The following MAGI1 variants were observed in gnomAD, a reference collection of about 807,000 sequenced individuals.
MAGI1 encodes membrane associated guanylate kinase, WW and PDZ domain containing 1.
In MAGI1, 58 loss-of-function variants were observed where a neutral mutation model predicts 139.9. That is an observed-to-expected ratio of 0.41 (90% CI 0.34 to 0.52). The LOEUF (loss-of-function observed/expected upper bound fraction) is 0.52. Among genes scored for constraint, MAGI1 ranks in the 20% least tolerant of loss-of-function variants. The pLI is 0.12. For synonymous variants in MAGI1, 812 were observed against 737.9 expected, an observed-to-expected ratio of 1.10 and a Z score of -1.63; for missense variants, 1,874 against 1,901.6, an observed-to-expected ratio of 0.99 and a Z score of 0.27.
chr3:65,412,953 CT>C (rs1420300173), intron 12 of MAGI1, among the ~76,000 whole-genome samples: 1 of 152,172 alleles, frequency 6.6e-6, no homozygotes, highest in African/African-American at 2.4e-5. Flanking sequence ...CTCAAGGATT[CT>C]TTGAGATCTA....
intron 2 of MAGI1, among the ~76,000 whole-genome samples, chr3:65,610,757 A>ATG (rs2083019746): frequency 2.6e-5 from 1 of 37,960 alleles, no homozygotes; most frequent in Non-Finnish European, 8.0e-5. Flanking sequence ...TATACAGTAT[A>ATG]TATATAGCAT....
chr3:65,912,097 T>C (rs1030369006), intron 1 of MAGI1, among the ~76,000 whole-genome samples: 1 of 152,198 alleles, frequency 6.6e-6, no homozygotes, highest in Non-Finnish European at 1.5e-5. Flanking sequence ...CTTAGACATA[T>C]TTATTTTGTC....
chr3:66,002,210 C>T (rs141738833), intron 1 of MAGI1, among the ~76,000 whole-genome samples: 144 of 152,268 alleles, frequency 9.5e-4, no homozygotes, highest in African/African-American at 3.2e-3. Context: ...TTCAGAAACA[C>T]TGGGCAAATT....
At chr3:65,911,272 T>C (rs531131147) in intron 1 of MAGI1, among the ~76,000 whole-genome samples, 1 of 152,072 alleles carries the variant, frequency 6.6e-6, no homozygotes, top group East Asian at 1.9e-4. Flanking sequence ...GACATTTTAC[T>C]CAAACTGGGA....
chr3:65,359,055 G>C, intron 22 of MAGI1: 1 of 1,611,692 alleles, frequency 6.2e-7, no homozygotes, highest in Non-Finnish European at 8.5e-7. Context: ...TATTGATTGA[G>C]CTACAAACCG....
chr3:65,443,066 A>C (rs899887481), intron 7 of MAGI1, among the ~76,000 whole-genome samples: 3 of 152,132 alleles, frequency 2.0e-5, no homozygotes, highest in African/African-American at 7.2e-5. Flanking sequence ...TATTTTATGC[A>C]AGAAAATAAA....
intron 1 of MAGI1, among the ~76,000 whole-genome samples, chr3:65,847,981 G>GC (rs2059066535): frequency 2.0e-5 from 3 of 152,142 alleles, no homozygotes; most frequent in Non-Finnish European, 4.4e-5. Flanking sequence ...TCCAGTTTGG[G>GC]CAACACAGTG....
chr3:65,498,750 G>A (rs189402483), intron 2 of MAGI1, among the ~76,000 whole-genome samples: 1 of 152,162 alleles, frequency 6.6e-6, no homozygotes, highest in African/African-American at 2.4e-5. Flanking sequence ...TCATGGAAAT[G>A]TTCCATATCT....
At chr3:65,685,548 G>A (rs1245165358) in intron 1 of MAGI1, among the ~76,000 whole-genome samples, 1 of 152,158 alleles carries the variant, frequency 6.6e-6, no homozygotes, top group Admixed American at 6.5e-5. Context: ...GTCAAAGAAC[G>A]TAGCTTGTCT....
intron 13 of MAGI1, among the ~76,000 whole-genome samples, chr3:65,395,208 T>C (rs982695863): frequency 1.3e-5 from 2 of 152,142 alleles, no homozygotes; most frequent in African/African-American, 4.8e-5. Context: ...CTCTTGAAAT[T>C]TATCCCTGGG....
At chr3:65,428,652 A>T (rs547968392) in intron 12 of MAGI1, among the ~76,000 whole-genome samples, 1 of 152,366 alleles carries the variant, frequency 6.6e-6, no homozygotes, top group South Asian at 2.1e-4. Flanking sequence ...TGCTGGGGAT[A>T]ACAGCTGTCC....
chr3:65,838,895 C>T (rs2058716329), intron 1 of MAGI1, among the ~76,000 whole-genome samples: 1 of 152,180 alleles, frequency 6.6e-6, no homozygotes, highest in African/African-American at 2.4e-5. Context: ...TTTGGTGTTG[C>T]CACTATCTTT....
chr3:65,567,149 G>T (rs985252853), intron 2 of MAGI1, among the ~76,000 whole-genome samples: 1 of 152,134 alleles, frequency 6.6e-6, no homozygotes, highest in East Asian at 1.9e-4. Flanking sequence ...CACTCATAAT[G>T]TTAAGACCTC....
At chr3:65,933,464 C>T (rs2062897908) in intron 1 of MAGI1, among the ~76,000 whole-genome samples, 1 of 152,164 alleles carries the variant, frequency 6.6e-6, no homozygotes. Flanking sequence ...ACTATAGCAG[C>T]TAGCCTTCCC....
intron 2 of MAGI1, among the ~76,000 whole-genome samples, chr3:65,550,861 C>G (rs62255340): frequency 0.37 from 56,836 of 151,734 alleles, 12,057 homozygotes; most frequent in East Asian, 0.65. Flanking sequence ...GTCCCAGCTA[C>G]TTGGGAGGCT....
chr3:65,603,773 A>G (rs6766258), intron 2 of MAGI1, among the ~76,000 whole-genome samples: 116,490 of 152,160 alleles, frequency 0.77, 45,366 homozygotes, highest in African/African-American at 0.85. Context: ...CCAAGATCCA[A>G]GTGCTGGCAA....
intron 1 of MAGI1, among the ~76,000 whole-genome samples, chr3:65,986,590 G>C (rs1156908504): frequency 1.3e-5 from 2 of 152,164 alleles, no homozygotes; most frequent in African/African-American, 2.4e-5. Context: ...ATGTGTGCAG[G>C]CCTTACCAGG....
chr3:65,839,608 G>A (rs1034472836), intron 1 of MAGI1, among the ~76,000 whole-genome samples: 6 of 152,008 alleles, frequency 3.9e-5, no homozygotes, highest in African/African-American at 1.4e-4. Context: ...ACTCAAAATG[G>A]ATCAGAGATG....
chr3:65,394,578 T>C (rs2107029855), intron 13 of MAGI1, among the ~76,000 whole-genome samples: 1 of 152,332 alleles, frequency 6.6e-6, no homozygotes, highest in East Asian at 1.9e-4. Flanking sequence ...TCAAGTTCAA[T>C]TATGAAAACT....
Sources: gnomAD v4.1 joint callset for allele counts (sites outside exome capture counted in the v4.1 genomes callset) on GRCh38, gnomAD v4.1.1 for gene constraint, MANE v1.5 for transcripts, NCBI Gene and HGNC (gene_info 2026-07-23, HGNC 2026-07-21) for gene names.